NDUFB9: variants seen among roughly 807,000 people sequenced by gnomAD.
The protein encoded by NDUFB9 is NADH:ubiquinone oxidoreductase subunit B9.
NDUFB9 carries 24 observed loss-of-function variants against 30.2 expected under a neutral mutation model. The ratio of observed to expected loss-of-function variants is 0.80; its 90% CI spans 0.58 to 1.12. NDUFB9 has a LOEUF of 1.12. NDUFB9 is among the 50% of genes most tolerant of loss of function. The probability of loss-of-function intolerance (pLI) is 0.00; values close to 1 mark genes in which losing one functional copy is unlikely to be tolerated. For missense variants in NDUFB9, 204 were observed against 226.0 expected, an observed-to-expected ratio of 0.90 and a Z score of 0.62; for synonymous variants, 80 against 84.0, an observed-to-expected ratio of 0.95 and a Z score of 0.26.
intron 2 of NDUFB9, among the ~76,000 whole-genome samples, chr8:124,544,720 A>G (rs143623454): frequency 1.6e-3 from 248 of 152,336 alleles, no homozygotes; most frequent in Non-Finnish European, 2.7e-3. Context: ...GAGACCTGCT[A>G]CCATGTCTGC....
chr8:124,542,506 C>G (rs564732996), intron 1 of NDUFB9, among the ~76,000 whole-genome samples: 1 of 152,328 alleles, frequency 6.6e-6, no homozygotes. Flanking sequence ...CTTTCAGGCC[C>G]TCGTCAGCTG....
In NDUFB9 at chr8:124,549,782, A is replaced by T. The variant is rs1822294115; in HGVS notation, c.430A>T (p.Thr144Ser). 1 of 1,614,022 alleles carries T rather than the reference A, an allele frequency of 6.2e-7. No homozygotes were observed. The highest frequency in any genetic ancestry group is 1.1e-5 in the South Asian group (1 of 91,086). The change falls in exon 4 of 4, where the codon ACG becomes TCG. Residue 144 changes from threonine (T) to serine (S), a missense_variant. Thr to Ser is a moderately conservative substitution (Grantham distance 58, BLOSUM62 1). Coordinates refer to ENST00000276689, the MANE Select transcript of NDUFB9 (RefSeq NM_005005.3). ...EREVKQLQEE[T>S]PPGGPLTEAL... Reference sequence around the variant, plus strand: ...CTAGGTTAAGCAGCTGCAGGAGGAAACGCCACCTGGTGGTCCTTTAACTGA... The same window carrying T: ...CTAGGTTAAGCAGCTGCAGGAGGAATCGCCACCTGGTGGTCCTTTAACTGA...
At chr8:124,542,807 CTTTTTTTTTT>C (rs58685573) in intron 1 of NDUFB9, 54 of 204,136 alleles carry the variant, frequency 2.6e-4, no homozygotes, top group Middle Eastern at 1.9e-3. Context: ...ATGCTCTTTT[CTTTTTTTTTT>C]TTTTTTTTTT....
intron 2 of NDUFB9, among the ~76,000 whole-genome samples, chr8:124,544,290 C>A (rs936020267): frequency 3.3e-5 from 5 of 152,178 alleles, no homozygotes; most frequent in African/African-American, 1.2e-4. Context: ...GGAAAAAAGC[C>A]ATCTCTGTAA....
intron 1 of NDUFB9, among the ~76,000 whole-genome samples, chr8:124,542,374 G>C (rs1159259818): frequency 6.6e-6 from 1 of 152,174 alleles, no homozygotes; most frequent in Non-Finnish European, 1.5e-5. Flanking sequence ...CTTACCCCAA[G>C]TTACACAGCT....
At chr8:124,549,464 T>C (rs950372269) in intron 3 of NDUFB9, among the ~76,000 whole-genome samples, 9 of 151,990 alleles carry the variant, frequency 5.9e-5, no homozygotes, top group Admixed American at 2.0e-4. Context: ...CATTTTTCTG[T>C]CTGCAGAATA....
chr8:124,542,441 A>C lies in NDUFB9; in HGVS notation c.102-646A>C, dbSNP rs531095444. Reference sequence around the variant, plus strand: ...CAGTCTGACTGGAGAGCCTATTCTCATAACTTGGAAGTCTCAATGTCTCCC... The same window carrying C: ...CAGTCTGACTGGAGAGCCTATTCTCCTAACTTGGAAGTCTCAATGTCTCCC... On this transcript the variant is annotated intron_variant, in intron 1 of 3. Coordinates refer to ENST00000276689, the MANE Select transcript of NDUFB9 (RefSeq NM_005005.3). Among the ~76,000 whole-genome samples, 191 of 152,318 alleles carry C rather than the reference A, an allele frequency of 1.3e-3. 1 individual carries two copies. The highest frequency in any genetic ancestry group is 4.4e-3 in the African/African-American group (181 of 41,556).
chr8:124,541,689 C>G (rs919191362), intron 1 of NDUFB9, among the ~76,000 whole-genome samples: 1 of 152,116 alleles, frequency 6.6e-6, no homozygotes. Context: ...CCGCAAGTTC[C>G]GTCTCCCGGG....
intron 1 of NDUFB9, 110 bp downstream of exon 1, chr8:124,539,397 G>C: frequency 1.0e-6 from 1 of 952,740 alleles, no homozygotes; most frequent in Non-Finnish European, 1.7e-6. Flanking sequence ...GAATTGGAAG[G>C]TGGCCTCTCG....
At chr8:124,549,482 G>T (rs575675055) in intron 3 of NDUFB9, among the ~76,000 whole-genome samples, 5 of 152,256 alleles carry the variant, frequency 3.3e-5, no homozygotes, top group Non-Finnish European at 7.3e-5. Flanking sequence ...ATAAGAGGAG[G>T]TCCAGATAAT....
intron 2 of NDUFB9, among the ~76,000 whole-genome samples, chr8:124,544,200 A>G (rs1332298089): frequency 2.0e-5 from 3 of 152,212 alleles, no homozygotes; most frequent in Non-Finnish European, 4.4e-5. Flanking sequence ...TTAACTCTTC[A>G]TTTCTATGAA....
intron 3 of NDUFB9, among the ~76,000 whole-genome samples, chr8:124,548,903 G>T (rs1429632539): frequency 6.6e-6 from 1 of 152,206 alleles, no homozygotes; most frequent in Non-Finnish European, 1.5e-5. Context: ...TGGAAGTTGT[G>T]CTGGTTCTGG....
chr8:124,544,535 T>C (rs1339577665), intron 2 of NDUFB9, among the ~76,000 whole-genome samples: 1 of 152,260 alleles, frequency 6.6e-6, no homozygotes, highest in East Asian at 1.9e-4. Flanking sequence ...TAGGGACTAA[T>C]GCAGTTGGTG....
At chr8:124,542,941 A>C (rs1300828705) in intron 1 of NDUFB9, 146 bp from the exon 2 acceptor site, 5 of 771,058 alleles carry the variant, frequency 6.5e-6, no homozygotes, top group Admixed American at 4.1e-5. Context: ...GGAAGCAGCC[A>C]TGATGATACG....
intron 1 of NDUFB9, among the ~76,000 whole-genome samples, chr8:124,539,822 C>T (rs80292037): frequency 6.6e-6 from 1 of 152,328 alleles, no homozygotes; most frequent in Non-Finnish European, 1.5e-5. Flanking sequence ...TTCTCCAAAG[C>T]ATCATCATTC....
chr8:124,541,733 A>G (rs1215190213), intron 1 of NDUFB9, among the ~76,000 whole-genome samples: 1 of 152,004 alleles, frequency 6.6e-6, no homozygotes. Context: ...TCTCCCGAGT[A>G]GCTGGGATTA....
chr8:124,546,922 T>TA, intron 2 of NDUFB9, 78 bp from the exon 3 acceptor site: 1 of 956,782 alleles, frequency 1.0e-6, no homozygotes, highest in South Asian at 1.3e-5. Context: ...ATCTTTGTCT[T>TA]ACATCTCCTG....
chr8:124,541,511 T>G (rs1272460268), intron 1 of NDUFB9, among the ~76,000 whole-genome samples: 1 of 152,254 alleles, frequency 6.6e-6, no homozygotes, highest in Non-Finnish European at 1.5e-5. Context: ...TAAAGTGTGT[T>G]TATCTTATTG....
At chr8:124,543,607 C>G (rs1238121807) in intron 2 of NDUFB9, among the ~76,000 whole-genome samples, 1 of 151,172 alleles carries the variant, frequency 6.6e-6, no homozygotes, top group Non-Finnish European at 1.5e-5. Context: ...TATTATTACT[C>G]TATCTACACA....
Sources: gnomAD v4.1 joint callset for allele counts (sites outside exome capture counted in the v4.1 genomes callset) on GRCh38, gnomAD v4.1.1 for gene constraint, MANE v1.5 for transcripts, NCBI Gene and HGNC (gene_info 2026-07-23, HGNC 2026-07-21) for gene names.